The following PDXDC1 variants were observed in gnomAD, a reference collection of about 807,000 sequenced individuals.
PDXDC1 encodes pyridoxal-dependent decarboxylase domain-containing protein 1.
A neutral mutation model predicts 100.1 loss-of-function variants in PDXDC1; 42 were observed. The ratio of observed to expected loss-of-function variants is 0.42; its 90% CI spans 0.33 to 0.54. The LOEUF (loss-of-function observed/expected upper bound fraction) is 0.54, where lower values mean the gene tolerates loss of function less well. Among genes scored for constraint, PDXDC1 ranks in the 20% least tolerant of loss-of-function variants. The pLI, the probability that PDXDC1 is intolerant of heterozygous loss-of-function variation, is 0.10. For synonymous variants in PDXDC1, 260 were observed against 371.7 expected (o/e 0.70, Z 3.46); for missense variants, 636 against 979.2 (o/e 0.65, Z 4.68).
chr16:15,139,695 C>T (rs1336856302), downstream of PDXDC1, among the ~76,000 whole-genome samples: 1 of 152,104 alleles, frequency 6.6e-6, no homozygotes. Flanking sequence ...GAAGAAGGAT[C>T]GCTTGAGCCA....
chr16:15,144,939 G>A, the PDXDC1 span, among the ~76,000 whole-genome samples: 9 of 152,288 alleles, frequency 5.9e-5, no homozygotes, highest in Admixed American at 3.9e-4. Context: ...AATGAGGGCC[G>A]GCTCCTGGTG....
intron 16 of PDXDC1, chr16:15,108,167 G>C (rs924199560): frequency 1.3e-6 from 1 of 797,408 alleles, no homozygotes; most frequent in African/African-American, 1.9e-5. Flanking sequence ...ACAAGGTTCA[G>C]TTCACAGAGA....
At chr16:14,976,217 C>T (rs888651412) in intron 1 of PDXDC1, among the ~76,000 whole-genome samples, 3 of 152,286 alleles carry the variant, frequency 2.0e-5, no homozygotes, top group Admixed American at 2.0e-4. Flanking sequence ...GTCTGCTTGT[C>T]CAATCCAGTG....
At chr16:15,151,439 A>G in the PDXDC1 span, among the ~76,000 whole-genome samples, 1 of 94,854 alleles carries the variant, frequency 1.1e-5, no homozygotes, top group East Asian at 2.6e-4. Context: ...AAAAAAAAAA[A>G]AAAAAAAAAA....
chr16:15,097,822 A>T (rs1444686326), intron 16 of PDXDC1, among the ~76,000 whole-genome samples: 1 of 152,126 alleles, frequency 6.6e-6, no homozygotes. Context: ...GTTTTCTTTG[A>T]ATAATTATCA....
chr16:15,130,086 A>T lies in PDXDC1; in HGVS notation c.1400-8793A>T. On this transcript the variant is annotated intron_variant, in intron 16 of 16. Coordinates refer to the PDXDC1 transcript ENST00000535621. ...ACATCCGCTGTCGGCTCCTGTGAGG[A>T]CACAGCCGCCGGGCCCAGGAGGTCA... is the stretch of plus-strand genomic sequence containing the variant. 3 of 1,475,472 alleles carry T rather than the reference A, an allele frequency of 2.0e-6. No homozygotes were observed. The South Asian group carries it at 3.5e-5, about 17-fold the overall frequency. 91.4% of individuals were successfully genotyped at this position (1,475,472 alleles called of 1,614,324 possible). A position where few individuals can be genotyped will look rare whatever the true frequency, so the allele number is the denominator to read the frequency against.
intron 16 of PDXDC1, among the ~76,000 whole-genome samples, chr16:15,072,640 T>C (rs945327561): frequency 3.9e-5 from 6 of 152,032 alleles, no homozygotes; most frequent in African/African-American, 9.7e-5. Flanking sequence ...CCACCTCTTC[T>C]AAAAATACAA....
At chr16:15,041,884 A>G (rs1469808378), downstream of PDXDC1, among the ~76,000 whole-genome samples, 1 of 152,200 alleles carries the variant, frequency 6.6e-6, no homozygotes, top group Non-Finnish European at 1.5e-5. Context: ...AGATGGCCAC[A>G]TTCTCAGCCT....
At chr16:15,146,435 G>A in the PDXDC1 span, among the ~76,000 whole-genome samples, 1 of 152,154 alleles carries the variant, frequency 6.6e-6, no homozygotes, top group South Asian at 2.1e-4. Flanking sequence ...AACAAAAGGA[G>A]TGAGGACGAT....
In PDXDC1 at chr16:15,125,283, C is replaced by T. The variant is rs891449101; in HGVS notation, c.1400-13596C>T. ...CAATGGACGGGTCACTGAGCAGGTCCGGCCAACTGGGCGTTCCCTCGCTGG... is the reference window on the plus strand; with the variant it reads ...CAATGGACGGGTCACTGAGCAGGTCTGGCCAACTGGGCGTTCCCTCGCTGG... On this transcript the variant is annotated intron_variant, in intron 16 of 16. Coordinates refer to the PDXDC1 transcript ENST00000535621. 9.3e-5 allele frequency: 59 copies of T among 631,096 alleles called. No individual in the cohort carries two copies. The East Asian group carries it at 1.1e-3, about 12-fold the overall frequency. 39.1% of individuals were successfully genotyped at this position (631,096 alleles called of 1,614,324 possible). A position where few individuals can be genotyped will look rare whatever the true frequency, so the allele number is the denominator to read the frequency against.
intron 16 of PDXDC1, among the ~76,000 whole-genome samples, chr16:15,052,011 TAAA>T (rs879576261): frequency 2.1e-5 from 3 of 143,364 alleles, no homozygotes; most frequent in Non-Finnish European, 4.6e-5. Context: ...AATATTTGCT[TAAA>T]AAAAAAAAAG....
At chr16:15,085,796 A>C in intron 16 of PDXDC1, 1 of 1,510,984 alleles carries the variant, frequency 6.6e-7, no homozygotes, top group Non-Finnish European at 8.9e-7. Context: ...AACAGCTATA[A>C]AAAAAGTTAT....
At chr16:15,051,410 C>T (rs1219104135) in intron 16 of PDXDC1, among the ~76,000 whole-genome samples, 8 of 152,120 alleles carry the variant, frequency 5.3e-5, no homozygotes, top group Non-Finnish European at 1.0e-4. Flanking sequence ...TGGAGTGCAG[C>T]GGCGAGATCG....
intron 16 of PDXDC1, among the ~76,000 whole-genome samples, chr16:15,082,171 A>G (rs1463880912): frequency 6.6e-6 from 1 of 152,180 alleles, no homozygotes; most frequent in African/African-American, 2.4e-5. Flanking sequence ...TTGTCTTAGG[A>G]AAAAACTTTT....
At chr16:15,032,027 A>T in intron 17 of PDXDC1, 121 bp downstream of exon 17, 1 of 875,760 alleles carries the variant, frequency 1.1e-6, no homozygotes, top group Non-Finnish European at 1.8e-6. Context: ...TGCTTAACGA[A>T]AATGCAACTC....
rs571760206 is a variant in PDXDC1, at chr16:15,104,631, G to C, written c.1400-34248G>C. 15 of 1,598,304 alleles carry C rather than the reference G, an allele frequency of 9.4e-6. No individual in the cohort carries two copies. The African/African-American group carries it at 1.7e-4, about 18-fold the overall frequency. ...TGTCTTGAGGCTCAGGGAGTTATCA[G>C]TTATAGAATGTTGTTGAGTTGGAGG... is the stretch of plus-strand genomic sequence containing the variant. On this transcript the variant is annotated intron_variant, in intron 16 of 16. Transcript: ENST00000535621.
rs189732613 is a variant in PDXDC1 at position 15,073,470 on chromosome 16, A to C, written c.1399+43414A>C. On this transcript the variant is annotated intron_variant, in intron 16 of 16. Transcript: ENST00000535621. Reference sequence around the variant, plus strand: ...ACCGTGGCTATTTAAAAAAAAAAGAAAGACAGACATTATCCATTAAAATAC... The same window carrying C: ...ACCGTGGCTATTTAAAAAAAAAAGACAGACAGACATTATCCATTAAAATAC... 1.9e-3 allele frequency among the ~76,000 whole-genome samples: 291 copies of C among 152,302 alleles called. 1 individual carries two copies. Among genetic ancestry groups the C allele is most frequent in the Middle Eastern group, 0.01 (3 of 294 alleles).
At chr16:15,041,598 CT>C (rs2043818657), downstream of PDXDC1, 1 of 1,580,138 alleles carries the variant, frequency 6.3e-7, no homozygotes, top group African/African-American at 1.3e-5. Context: ...CACATCTTTG[CT>C]TTGGGGCAAA....
chr16:15,021,155 T>A (rs1335786205), intron 12 of PDXDC1, among the ~76,000 whole-genome samples: 1 of 152,276 alleles, frequency 6.6e-6, no homozygotes, highest in Non-Finnish European at 1.5e-5. Context: ...GGCAGGTGGA[T>A]CACTTAAACC....
Sources: allele counts gnomAD v4.1 joint callset (sites outside exome capture counted in the v4.1 genomes callset), GRCh38; gene constraint gnomAD v4.1.1; transcripts MANE v1.5; gene names NCBI Gene and HGNC (gene_info 2026-07-23, HGNC 2026-07-21).